ZFHX3: variants seen among roughly 807,000 people sequenced by gnomAD.
The protein encoded by ZFHX3 is zinc finger homeobox protein 3.
ZFHX3 carries 42 observed loss-of-function variants against 279.1 expected under a neutral mutation model. That is an observed-to-expected ratio of 0.15 (90% CI 0.12 to 0.19). ZFHX3 has a LOEUF of 0.19. ZFHX3 is among the 10% of genes least tolerant of loss of function. ZFHX3 has a pLI of 1.00. For synonymous variants in ZFHX3, 2,293 were observed against 1,957.8 expected (o/e 1.17, Z -4.52); for missense variants, 4,981 against 4,754.0 (o/e 1.05, Z -1.40).
At chr16:73,101,974 C>T (rs113828676) in intron 7 of ZFHX3, among the ~76,000 whole-genome samples, 4 of 147,632 alleles carry the variant, frequency 2.7e-5, no homozygotes, top group East Asian at 2.1e-4. Flanking sequence ...CGTGCACTGG[C>T]GCCATCTCAG....
chr16:72,979,262 C>T lies in ZFHX3; in HGVS notation c.-49-19068G>A, dbSNP rs79605453. Among the ~76,000 whole-genome samples, 131 of 152,350 alleles carry T rather than the reference C, an allele frequency of 8.6e-4. 2 individuals are homozygous for T. The East Asian group carries it at 0.023, about 27-fold the overall frequency. On this transcript the variant is annotated intron_variant, in intron 1 of 9. Transcript: ENST00000268489. ...CACAGGTGGGCTTCTCTTCGGAATA[C>T]GCAGAATGGTTACTGTTTTAGCAGT...
intron 4 of ZFHX3, among the ~76,000 whole-genome samples, chr16:72,853,490 TC>T (rs1384184264): frequency 6.6e-6 from 1 of 152,254 alleles, no homozygotes; most frequent in African/African-American, 2.4e-5. Context: ...ATTACTGCTT[TC>T]CCCTTCAAAC....
chr16:73,867,027 A>G (rs143167726), intron 1 of ZFHX3, among the ~76,000 whole-genome samples: 81 of 152,096 alleles, frequency 5.3e-4, no homozygotes, highest in African/African-American at 1.9e-3. Context: ...GGGCTGGGCT[A>G]TGTCCTTGGC....
chr16:73,203,505 G>A (rs1273685642), intron 5 of ZFHX3, among the ~76,000 whole-genome samples: 1 of 152,192 alleles, frequency 6.6e-6, no homozygotes, highest in African/African-American at 2.4e-5. Context: ...CCCTAATGAT[G>A]CCTTGTTCCT....
chr16:72,863,966 A>C (rs1163269079), intron 4 of ZFHX3, among the ~76,000 whole-genome samples: 1 of 151,976 alleles, frequency 6.6e-6, no homozygotes, highest in Non-Finnish European at 1.5e-5. Flanking sequence ...AATACAAAAA[A>C]ATTAGCTGGG....
At chr16:73,875,263 GA>G (rs1312881857) in intron 1 of ZFHX3, among the ~76,000 whole-genome samples, 1 of 145,942 alleles carries the variant, frequency 6.9e-6, no homozygotes, top group Non-Finnish European at 1.5e-5. Flanking sequence ...TTATACACAT[GA>G]CACATGCTGA....
chr16:73,818,468 G>C (rs191694167), intron 1 of ZFHX3, among the ~76,000 whole-genome samples: 1 of 152,244 alleles, frequency 6.6e-6, no homozygotes, highest in East Asian at 1.9e-4. Flanking sequence ...TGTCATCAAC[G>C]CAGCATCATT....
intron 2 of ZFHX3, among the ~76,000 whole-genome samples, chr16:73,515,296 C>T (rs67700892): frequency 0.056 from 8,593 of 152,224 alleles, 280 homozygotes; most frequent in South Asian, 0.1. Context: ...AGACACACCA[C>T]CTTCAATAGG....
rs897280142 is a variant in ZFHX3 at position 73,131,731 on chromosome 16, T to C, written c.-1023-637A>G. 1.6e-4 allele frequency among the ~76,000 whole-genome samples: 25 copies of C among 152,152 alleles called. 1 individual carries two copies. The highest frequency in any genetic ancestry group is 6.0e-4 in the African/African-American group (25 of 41,442). ...TCCAATGTTGCCTGCAGCAGGGAGT[T>C]ACGAAAAGCCACTGGATCCGAGTCC... On this transcript the variant is annotated intron_variant, in intron 6 of 17. Coordinates refer to the ZFHX3 transcript ENST00000641206.
intron 3 of ZFHX3, among the ~76,000 whole-genome samples, chr16:72,921,318 T>C (rs2039577893): frequency 6.6e-6 from 1 of 152,174 alleles, no homozygotes; most frequent in Non-Finnish European, 1.5e-5. Flanking sequence ...CACAGAAATG[T>C]GATCGTGGTT....
chr16:73,565,702 T>A (rs976252545), intron 2 of ZFHX3, among the ~76,000 whole-genome samples: 1 of 152,160 alleles, frequency 6.6e-6, no homozygotes, highest in African/African-American at 2.4e-5. Flanking sequence ...TAAGTCTAGG[T>A]TTAGTGCCTT....
chr16:73,494,110 T>C (rs2019097355), intron 2 of ZFHX3, among the ~76,000 whole-genome samples: 1 of 152,068 alleles, frequency 6.6e-6, no homozygotes, highest in South Asian at 2.1e-4. Context: ...TCCCGGTAGG[T>C]GCAGTTGGCA....
At chr16:72,956,761 T>C (rs1961268208) in intron 2 of ZFHX3, among the ~76,000 whole-genome samples, 1 of 17,998 alleles carries the variant, frequency 5.6e-5, no homozygotes, top group African/African-American at 2.1e-4. Flanking sequence ...CTCACAACAG[T>C]GCCACTGGGG....
intron 2 of ZFHX3, among the ~76,000 whole-genome samples, chr16:73,623,918 A>G (rs1398317570): frequency 6.6e-6 from 1 of 152,196 alleles, no homozygotes; most frequent in Non-Finnish European, 1.5e-5. Context: ...TGCAAATAGT[A>G]TTTCCTGTGT....
intron 3 of ZFHX3, among the ~76,000 whole-genome samples, chr16:72,924,069 C>T (rs1959303408): frequency 6.6e-6 from 1 of 152,242 alleles, no homozygotes; most frequent in South Asian, 2.1e-4. Flanking sequence ...TGCTATAAAA[C>T]ACACTGTTCT....
chr16:73,238,856 C>T (rs2013032806), intron 5 of ZFHX3, among the ~76,000 whole-genome samples: 2 of 152,154 alleles, frequency 1.3e-5, no homozygotes, highest in East Asian at 1.9e-4. Context: ...ACGTTCACCT[C>T]GGCTTCCTTC....
chr16:73,447,654 G>A lies in ZFHX3; in HGVS notation c.-1291+8349C>T, dbSNP rs556246473. Among the ~76,000 whole-genome samples, 7 of 152,226 alleles carry A rather than the reference G, an allele frequency of 4.6e-5. No homozygotes were observed. In the East Asian group the frequency reaches 1.4e-3, roughly 29 times the overall value. On this transcript the variant is annotated intron_variant, in intron 3 of 17. Coordinates refer to the ZFHX3 transcript ENST00000641206. The stretch of plus-strand genomic sequence containing the variant: ...CATCAGAGCAACTCTTCCCACTAAA[G>A]ACCCAATACAGACAACAGATAGAAC...
At chr16:73,883,344 A>C (rs1477340202) in intron 1 of ZFHX3, among the ~76,000 whole-genome samples, 1 of 151,886 alleles carries the variant, frequency 6.6e-6, no homozygotes, top group African/African-American at 2.4e-5. Flanking sequence ...GTATTCTGTT[A>C]CTCCAGGAAT....
intron 5 of ZFHX3, among the ~76,000 whole-genome samples, chr16:73,250,038 T>C (rs756609875): frequency 3.9e-5 from 6 of 152,220 alleles, no homozygotes; most frequent in Non-Finnish European, 5.9e-5. Flanking sequence ...GTGTTGTCTA[T>C]GTAATGCAGA....
Sources: allele counts gnomAD v4.1 joint callset (sites outside exome capture counted in the v4.1 genomes callset), GRCh38; gene constraint gnomAD v4.1.1; transcripts MANE v1.5; gene names NCBI Gene and HGNC (gene_info 2026-07-23, HGNC 2026-07-21).